The following MTAP variants were observed in gnomAD, a reference collection of about 807,000 sequenced individuals.
The protein encoded by MTAP is S-methyl-5'-thioadenosine phosphorylase.
Under a neutral mutation model 33.6 loss-of-function variants are expected in MTAP, and 33 were observed. The observed-to-expected ratio is 0.98, with a 90% confidence interval of 0.74 to 1.31. MTAP has a LOEUF of 1.31. Ranked by LOEUF, MTAP falls within the 40% of genes most tolerant of loss-of-function variation. The probability of loss-of-function intolerance (pLI) is 0.00; values close to 1 mark genes in which losing one functional copy is unlikely to be tolerated. For synonymous variants in MTAP, 148 were observed against 125.7 expected, an observed-to-expected ratio of 1.18 and a Z score of -1.19; for missense variants, 367 against 360.0, an observed-to-expected ratio of 1.02 and a Z score of -0.16.
Position 21,809,845 on chromosome 9 carries a change from G to A in MTAP, c.34-5588G>A, listed in dbSNP as rs190385848. Among the ~76,000 whole-genome samples the A allele has an allele frequency of 2.4e-3, 368 of 152,278 alleles. 1 individual carries two copies. The highest frequency in any genetic ancestry group is 6.8e-3 in the Middle Eastern group (2 of 294). ...AGCAGCTGGTTCAGGAGGGTGGGTG[G>A]CTCCCACTGTTGCTCCACAGGCAAA... is the stretch of plus-strand genomic sequence containing the variant. On this transcript the variant is annotated intron_variant, in intron 1 of 7. Coordinates refer to ENST00000644715, the MANE Select transcript of MTAP (RefSeq NM_002451.4).
intron 3 of MTAP, among the ~76,000 whole-genome samples, 175 bp from the exon 4 acceptor site, chr9:21,817,860 G>A (rs990054240): frequency 7.2e-5 from 11 of 152,158 alleles, no homozygotes; most frequent in Admixed American, 4.6e-4. Flanking sequence ...TGGCTTCTCA[G>A]AATCCAGTGA....
chr9:21,882,183 TA>T (rs1286825167), intron 1 of MTAP, among the ~76,000 whole-genome samples: 2 of 151,840 alleles, frequency 1.3e-5, no homozygotes, highest in South Asian at 4.2e-4. Context: ...ATCACCATAT[TA>T]AAAAAATTAA....
At chr9:21,820,952 T>G (rs900543227) in intron 4 of MTAP, among the ~76,000 whole-genome samples, 1 of 152,258 alleles carries the variant, frequency 6.6e-6, no homozygotes, top group Non-Finnish European at 1.5e-5. Context: ...ATAAGAATGC[T>G]TGTGATTTTT....
intron 1 of MTAP, among the ~76,000 whole-genome samples, chr9:21,895,528 A>G (rs898818233): frequency 9.2e-5 from 14 of 152,222 alleles, no homozygotes; most frequent in Non-Finnish European, 1.9e-4. Flanking sequence ...CTCACCCGGG[A>G]AATGCCAGGG....
chr9:21,838,072 C>A, intron 5 of MTAP, 62 bp downstream of exon 5: 1 of 1,429,508 alleles, frequency 7.0e-7, no homozygotes, highest in Non-Finnish European at 9.8e-7. Flanking sequence ...TGGCATCTGG[C>A]ATTTGGTTAA....
chr9:21,895,620 G>A (rs958124754), intron 1 of MTAP, among the ~76,000 whole-genome samples: 1 of 152,180 alleles, frequency 6.6e-6, no homozygotes, highest in African/African-American at 2.4e-5. Flanking sequence ...CTAATACTGT[G>A]CTTTTCCAAT....
At chr9:21,882,985 T>A (rs150293271) in intron 1 of MTAP, among the ~76,000 whole-genome samples, 4 of 149,290 alleles carry the variant, frequency 2.7e-5, no homozygotes, top group African/African-American at 9.8e-5. Flanking sequence ...AGAAAAAAAA[T>A]TAAGAAGTGA....
At chr9:21,896,251 C>A (rs951980340) in intron 1 of MTAP, among the ~76,000 whole-genome samples, 1 of 152,062 alleles carries the variant, frequency 6.6e-6, no homozygotes, top group Non-Finnish European at 1.5e-5. Flanking sequence ...CTCTGGTACA[C>A]ATTTAAAGCA....
At chr9:21,843,387 CT>C (rs1201178498) in intron 5 of MTAP, among the ~76,000 whole-genome samples, 1 of 152,122 alleles carries the variant, frequency 6.6e-6, no homozygotes, top group East Asian at 1.9e-4. Flanking sequence ...AAACAATGGA[CT>C]TAAACTATAA....
intron 5 of MTAP, among the ~76,000 whole-genome samples, chr9:21,839,457 A>G (rs1461158132): frequency 6.6e-6 from 1 of 152,178 alleles, no homozygotes; most frequent in Non-Finnish European, 1.5e-5. Flanking sequence ...GACTTGGGGA[A>G]CTAGGAGTAG....
At chr9:21,882,778 A>T (rs1818035666) in intron 1 of MTAP, among the ~76,000 whole-genome samples, 1 of 152,070 alleles carries the variant, frequency 6.6e-6, no homozygotes, top group African/African-American at 2.4e-5. Flanking sequence ...TTTTTATCTA[A>T]TCACAACACA....
chr9:21,902,682 A>T (rs1442438260), intron 1 of MTAP, among the ~76,000 whole-genome samples: 1 of 152,208 alleles, frequency 6.6e-6, no homozygotes, highest in Non-Finnish European at 1.5e-5. Flanking sequence ...TACTGTTTTC[A>T]TCAGGGTTTT....
chr9:21,863,322 T>C lies in MTAP; in HGVS notation c.*1308T>C, dbSNP rs1825790136. Reference sequence around the variant, plus strand: ...ATTGTTATTTTATAGAAATGCTTTTTGTTGGCCGGGCACAGTTGCTCATCC... The same window carrying C: ...ATTGTTATTTTATAGAAATGCTTTTCGTTGGCCGGGCACAGTTGCTCATCC... On this transcript the variant is annotated 3_prime_UTR_variant, in exon 8 of 8. Transcript: ENST00000644715. The C allele has an allele frequency of 1.0e-6, 1 of 984,434 alleles. No homozygotes were observed. The highest frequency in any genetic ancestry group is 1.7e-5 in the African/African-American group (1 of 57,332). The allele number at this position is 984,434 out of a possible 1,614,324, so 61.0% of individuals were successfully genotyped here.
chr9:21,916,665 G>A (rs527727620), intron 1 of MTAP, among the ~76,000 whole-genome samples: 179 of 152,172 alleles, frequency 1.2e-3, no homozygotes, highest in Middle Eastern at 0.01. Flanking sequence ...CCATGTGAAG[G>A]TGGACACATA....
At chr9:21,856,068 T>C (rs1825635972) in intron 6 of MTAP, 4 of 707,476 alleles carry the variant, frequency 5.7e-6, no homozygotes, top group Non-Finnish European at 6.9e-6. Context: ...TTTAATCTAA[T>C]TTTCACCTCT....
chr9:21,919,078 A>C (rs560766700), intron 1 of MTAP, among the ~76,000 whole-genome samples: 4 of 152,340 alleles, frequency 2.6e-5, no homozygotes, highest in African/African-American at 9.6e-5. Context: ...ATTTAGCAAT[A>C]TAAATATTAT....
chr9:21,879,603 A>G (rs1233320759), intron 1 of MTAP, among the ~76,000 whole-genome samples: 1 of 151,992 alleles, frequency 6.6e-6, no homozygotes, highest in Non-Finnish European at 1.5e-5. Context: ...TGTGTTGTTA[A>G]CTGGTTACTA....
chr9:21,880,810 ATTG>A (rs1817994609), intron 1 of MTAP, among the ~76,000 whole-genome samples: 1 of 152,098 alleles, frequency 6.6e-6, no homozygotes, highest in Non-Finnish European at 1.5e-5. Flanking sequence ...AAGACTTAAT[ATTG>A]TTAAGATGTC....
intron 4 of MTAP, among the ~76,000 whole-genome samples, chr9:21,822,096 A>AT (rs1246282281): frequency 1.3e-5 from 2 of 152,020 alleles, no homozygotes; most frequent in African/African-American, 2.4e-5. Context: ...GGATTCATTG[A>AT]TTTTTTGATG....
Sources: gnomAD v4.1 joint callset for allele counts (sites outside exome capture counted in the v4.1 genomes callset) on GRCh38, gnomAD v4.1.1 for gene constraint, MANE v1.5 for transcripts, NCBI Gene and HGNC (gene_info 2026-07-23, HGNC 2026-07-21) for gene names.